Variants in COL11A1 observed in about 807,000 individuals in gnomAD.
COL11A1 encodes collagen type XI alpha 1 chain.
Under a neutral mutation model 265.2 loss-of-function variants are expected in COL11A1, and 74 were observed. That is an observed-to-expected ratio of 0.28 (90% CI 0.23 to 0.34). The LOEUF (loss-of-function observed/expected upper bound fraction) is 0.34. Among genes scored for constraint, COL11A1 ranks in the 10% least tolerant of loss-of-function variants. The probability of loss-of-function intolerance (pLI) is 1.00; values close to 1 mark genes in which losing one functional copy is unlikely to be tolerated. For missense variants in COL11A1, 2,165 were observed against 2,263.6 expected (o/e 0.96, Z 0.88); for synonymous variants, 816 against 727.6 (o/e 1.12, Z -1.96).
intron 25 of COL11A1, among the ~76,000 whole-genome samples, chr1:102,997,382 C>T (rs1286045000): frequency 6.6e-6 from 1 of 151,854 alleles, no homozygotes; most frequent in Non-Finnish European, 1.5e-5. Flanking sequence ...TTAGAAAAAG[C>T]ACATAAAATA....
intron 35 of COL11A1, 64 bp downstream of exon 35, chr1:102,978,644 G>C: frequency 1.3e-6 from 2 of 1,546,588 alleles, no homozygotes; most frequent in Non-Finnish European, 1.8e-6. Flanking sequence ...TCTTTTCTCT[G>C]AAATCTAAAT....
chr1:102,985,093 A>G (rs1029779035), intron 30 of COL11A1, among the ~76,000 whole-genome samples: 4 of 151,998 alleles, frequency 2.6e-5, no homozygotes, highest in African/African-American at 9.7e-5. Context: ...CTGTGCATCC[A>G]TTTACCTAAT....
At chr1:103,004,529 C>T (rs998140450) in intron 19 of COL11A1, 41 bp from the exon 20 acceptor site, 7 of 1,593,350 alleles carry the variant, frequency 4.4e-6, no homozygotes, top group Non-Finnish European at 6.0e-6. Flanking sequence ...AACATTTGGA[C>T]AATGTATCAT....
At chr1:102,997,043 AT>A (rs1664696718) in intron 26 of COL11A1, 36 bp downstream of exon 26, 1 of 1,575,038 alleles carries the variant, frequency 6.3e-7, no homozygotes, top group Admixed American at 1.7e-5. Context: ...TTGGAAATTT[AT>A]TAATAGGACA....
At chr1:102,965,583 AAAGCATAAATCAAAATTC>A in intron 37 of COL11A1, 43 bp from the exon 38 acceptor site, 3 of 1,541,840 alleles carry the variant, frequency 1.9e-6, no homozygotes, top group Non-Finnish European at 1.8e-6. Context: ...CATACAACAC[AAAGCATAAATCAAAATTC>A]TATGAGATAG....
rs761316669 is a variant in COL11A1 at position 103,002,451 on chromosome 1, G to T, written c.2074C>A (p.Gln692Lys). Residue 692 changes from glutamine (Q) to lysine (K), a missense_variant, in exon 23 of 67, where the codon CAA (glutamine) becomes AAA (lysine). By Grantham distance (53) the Gln-to-Lys change is moderately conservative. Coordinates refer to ENST00000370096, the MANE Select transcript of COL11A1 (RefSeq NM_001854.4). ...GPQGEPGPPGQQGNPGPQGLP... is the reference protein window; with the variant it reads ...GPQGEPGPPGKQGNPGPQGLP... ...ACCTGAGGTCCTGGATTCCCTTGTTGACCTGGAGGCCCAGGCTCCCCTTGG... is the reference window on the plus strand; with the variant it reads ...ACCTGAGGTCCTGGATTCCCTTGTTTACCTGGAGGCCCAGGCTCCCCTTGG... 1.2e-6 allele frequency: 2 copies of T among 1,610,076 alleles called. No homozygotes were observed. Among genetic ancestry groups the T allele is most frequent in the South Asian group, 2.2e-5 (2 of 90,062 alleles).
chr1:102,968,587 T>A (rs1661658397), intron 37 of COL11A1, among the ~76,000 whole-genome samples: 1 of 152,192 alleles, frequency 6.6e-6, no homozygotes, highest in African/African-American at 2.4e-5. Flanking sequence ...TGGCAAAGAA[T>A]GCCCACTCTA....
In COL11A1 at chr1:103,021,302, T is replaced by C. The variant is rs560906499; in HGVS notation, c.1308+405A>G. On this transcript the variant is annotated intron_variant, in intron 9 of 66. Transcript: ENST00000370096. Reference sequence around the variant, plus strand: ...ATATGTAACAAATATATGTTATATATTTCAAATAATGTGAAGTCATAGAGA... The same window carrying C: ...ATATGTAACAAATATATGTTATATACTTCAAATAATGTGAAGTCATAGAGA... Among the ~76,000 whole-genome samples, 3 of 152,128 alleles carry C rather than the reference T, an allele frequency of 2.0e-5. No individual in the cohort carries two copies. The South Asian group carries it at 6.2e-4, about 32-fold the overall frequency.
Position 102,962,166 on chromosome 1 carries a change from T to C in COL11A1, c.3114+10A>G, listed in dbSNP as rs750467410. On this transcript the variant is annotated intron_variant, in intron 40 of 66. Transcript: ENST00000370096. ...ATCACTTGCTTTATCTATATAGATATTGATTATACCTGAGCTCCAGGAAGA... is the reference window on the plus strand; with the variant it reads ...ATCACTTGCTTTATCTATATAGATACTGATTATACCTGAGCTCCAGGAAGA... The C allele has an allele frequency of 1.3e-6, 2 of 1,598,484 alleles. No homozygotes were observed. Among genetic ancestry groups the C allele is most frequent in the Non-Finnish European group, 1.7e-6 (2 of 1,165,918 alleles).
chr1:102,877,754 C>G lies in COL11A1; in HGVS notation c.*265G>C. The G allele has an allele frequency of 2.6e-6, 1 of 388,414 alleles. No individual in the cohort carries two copies. The highest frequency in any genetic ancestry group is 3.3e-5 in the South Asian group (1 of 30,596). The allele number at this position is 388,414 out of a possible 1,614,324, so 24.1% of individuals were successfully genotyped here. On this transcript the variant is annotated 3_prime_UTR_variant, in exon 67 of 67. Transcript: ENST00000370096. ...TGTTTTCTACAGCACCAAAGAAATTCAAATAGGAAAAGGAGAGTTGAGAAT... is the reference window on the plus strand; with the variant it reads ...TGTTTTCTACAGCACCAAAGAAATTGAAATAGGAAAAGGAGAGTTGAGAAT...
chr1:102,920,939 G>A (rs1655922109), intron 48 of COL11A1, among the ~76,000 whole-genome samples: 1 of 152,002 alleles, frequency 6.6e-6, no homozygotes, highest in East Asian at 1.9e-4. Context: ...TTGGCCAGAA[G>A]GAAAAATATC....
intron 45 of COL11A1, 23 bp downstream of exon 45, chr1:102,935,037 G>A: frequency 6.2e-7 from 1 of 1,612,490 alleles, no homozygotes; most frequent in Non-Finnish European, 8.5e-7. Context: ...ATTTAGATTT[G>A]CTGAACAATG....
intron 35 of COL11A1, among the ~76,000 whole-genome samples, chr1:102,976,919 A>G (rs1479981591): frequency 6.6e-6 from 1 of 152,164 alleles, no homozygotes; most frequent in Non-Finnish European, 1.5e-5. Flanking sequence ...TTTAATAACC[A>G]GCATCCATGA....
At chr1:102,996,123 T>C in intron 26 of COL11A1, 81 bp from the exon 27 acceptor site, 1 of 1,398,248 alleles carries the variant, frequency 7.2e-7, no homozygotes, top group Non-Finnish European at 1.0e-6. Flanking sequence ...TACCAACTAA[T>C]CTACAAGGAT....
intron 32 of COL11A1, 59 bp from the exon 33 acceptor site, chr1:102,979,163 G>T: frequency 1.4e-6 from 2 of 1,479,482 alleles, no homozygotes; most frequent in Non-Finnish European, 1.9e-6. Flanking sequence ...TGAGCCTGGT[G>T]CTGAGACTGA....
chr1:102,944,963 C>G (rs887204424), intron 42 of COL11A1, among the ~76,000 whole-genome samples: 1 of 152,106 alleles, frequency 6.6e-6, no homozygotes, highest in African/African-American at 2.4e-5. Context: ...ATTAAAAGTG[C>G]TTTTTCTGTC....
At chr1:103,042,952 A>T (rs1233232550) in intron 4 of COL11A1, among the ~76,000 whole-genome samples, 2 of 147,872 alleles carry the variant, frequency 1.4e-5, no homozygotes, top group Non-Finnish European at 3.0e-5. Context: ...AATACATCAT[A>T]TATATGAAAT....
rs1291137604 is a variant in COL11A1 at position 102,986,177 on chromosome 1, ATG to A, written c.2502+1454_2502+1455del. On this transcript the variant is annotated intron_variant, in intron 30 of 66. Coordinates refer to ENST00000370096, the MANE Select transcript of COL11A1 (RefSeq NM_001854.4). ...TTGGAACCAACCCAAATGTTCAACA[ATG>A]ATAGACTGGATTAAGAAAATGTGGC... Among the ~76,000 whole-genome samples the A allele has an allele frequency of 8.5e-5, 13 of 152,160 alleles. No homozygotes were observed. The East Asian group carries it at 2.1e-3, about 25-fold the overall frequency.
chr1:102,920,429 A>C, intron 48 of COL11A1, 65 bp from the exon 49 acceptor site: 1 of 1,380,994 alleles, frequency 7.2e-7, no homozygotes, highest in Non-Finnish European at 1.0e-6. Flanking sequence ...TCGTAAACAT[A>C]TGTCTAGTTG....
Sources: gnomAD v4.1 joint callset for allele counts (sites outside exome capture counted in the v4.1 genomes callset) on GRCh38, gnomAD v4.1.1 for gene constraint, MANE v1.5 for transcripts, NCBI Gene and HGNC (gene_info 2026-07-23, HGNC 2026-07-21) for gene names.